Variants in APBB1IP observed in about 807,000 individuals in gnomAD.
APBB1IP encodes amyloid beta precursor protein binding family B member 1 interacting protein, also known as amyloid beta A4 precursor protein-binding family B member 1-interacting protein.
In APBB1IP, 27 loss-of-function variants were observed where a neutral mutation model predicts 64.9. The ratio of observed to expected loss-of-function variants is 0.42; its 90% CI spans 0.31 to 0.57. The LOEUF (loss-of-function observed/expected upper bound fraction) is 0.57, where lower values mean the gene tolerates loss of function less well. Ranked by LOEUF, APBB1IP falls within the 20% of genes least tolerant of loss-of-function variation. APBB1IP has a pLI of 0.20. For missense variants in APBB1IP, 812 were observed against 845.5 expected, an observed-to-expected ratio of 0.96 and a Z score of 0.49; for synonymous variants, 392 against 331.0, an observed-to-expected ratio of 1.18 and a Z score of -2.00.
intron 13 of APBB1IP, 30 bp from the exon 14 acceptor site, chr10:26,562,296 A>G (rs1049364601): frequency 1.3e-6 from 2 of 1,510,662 alleles, no homozygotes; most frequent in African/African-American, 1.4e-5. Flanking sequence ...TGCTTTGCTC[A>G]CTCTTCTTTT....
Position 26,536,220 on chromosome 10 carries a change from CAGAA to C in APBB1IP, c.1044+5_1044+8del. The C allele has an allele frequency of 1.7e-6, 2 of 1,160,242 alleles. No individual in the cohort carries two copies. The highest frequency in any genetic ancestry group is 1.1e-6 in the Non-Finnish European group (1 of 912,546). The allele number at this position is 1,160,242 out of a possible 1,614,324, so 71.9% of individuals were successfully genotyped here. On this transcript the variant is annotated splice_donor_5th_base_variant and intron_variant, in intron 10 of 14. Coordinates refer to ENST00000376236, the MANE Select transcript of APBB1IP (RefSeq NM_019043.4). ...ATGTACCCAAAGGAAAGACTAAGGTCAGAAAAAAAAAAAAAAAAGCACTTAGCAA... is the reference window on the plus strand; with the variant it reads ...ATGTACCCAAAGGAAAGACTAAGGTCAAAAAAAAAAAAAAGCACTTAGCAA...
At chr10:26,497,452 G>A (rs946961231) in intron 4 of APBB1IP, among the ~76,000 whole-genome samples, 2 of 151,574 alleles carry the variant, frequency 1.3e-5, no homozygotes, top group Admixed American at 1.3e-4. Context: ...CTGGGAGGCT[G>A]AGGCAGGAGA....
Position 26,509,116 on chromosome 10 carries a change from C to T in APBB1IP, c.532-2631C>T, listed in dbSNP as rs567078698. Reference sequence around the variant, plus strand: ...AGAAAATAAATCCTAGTAAAGACTGCTATTTGAAGAATTTCTCTATTTCCA... The same window carrying T: ...AGAAAATAAATCCTAGTAAAGACTGTTATTTGAAGAATTTCTCTATTTCCA... On this transcript the variant is annotated intron_variant, in intron 6 of 14. Transcript: ENST00000376236. Among the ~76,000 whole-genome samples, 3 of 152,282 alleles carry T rather than the reference C, an allele frequency of 2.0e-5. No individual in the cohort carries two copies. The South Asian group carries it at 6.2e-4, about 32-fold the overall frequency.
intron 5 of APBB1IP, chr10:26,501,592 G>A (rs756788871): frequency 1.7e-4 from 29 of 171,358 alleles, no homozygotes; most frequent in South Asian, 5.4e-4. Context: ...CATAGTTGGG[G>A]AGGGTGTTAC....
intron 8 of APBB1IP, among the ~76,000 whole-genome samples, chr10:26,533,169 A>G (rs1361813707): frequency 2.6e-5 from 4 of 152,116 alleles, no homozygotes; most frequent in African/African-American, 9.7e-5. Context: ...GACTTCAACA[A>G]TTAAATGATG....
At chr10:26,482,806 G>T (rs1246487280) in intron 2 of APBB1IP, among the ~76,000 whole-genome samples, 1 of 151,716 alleles carries the variant, frequency 6.6e-6, no homozygotes, top group African/African-American at 2.4e-5. Context: ...AAACACTGTA[G>T]GGTAAAAAAA....
At chr10:26,513,004 T>C (rs1042556993) in intron 7 of APBB1IP, among the ~76,000 whole-genome samples, 4 of 152,248 alleles carry the variant, frequency 2.6e-5, no homozygotes, top group African/African-American at 9.6e-5. Context: ...TGTTTTAGAG[T>C]ACACACTGGC....
intron 6 of APBB1IP, among the ~76,000 whole-genome samples, chr10:26,506,336 T>A (rs557300256): frequency 2.7e-5 from 4 of 150,870 alleles, no homozygotes; most frequent in Non-Finnish European, 5.9e-5. Flanking sequence ...AAGCCTCAAA[T>A]TCCTGGGCTC....
intron 4 of APBB1IP, 126 bp from the exon 5 acceptor site, chr10:26,500,693 C>T: frequency 1.1e-6 from 1 of 898,776 alleles, no homozygotes; most frequent in South Asian, 1.8e-5. Context: ...TCTCAATCTT[C>T]TCATATCATA....
At chr10:26,553,730 G>A (rs773508520) in intron 11 of APBB1IP, among the ~76,000 whole-genome samples, 1 of 152,090 alleles carries the variant, frequency 6.6e-6, no homozygotes, top group Admixed American at 6.5e-5. Context: ...CAAAACAAAG[G>A]CCTCTGGCTT....
intron 11 of APBB1IP, among the ~76,000 whole-genome samples, chr10:26,545,339 C>T (rs1036289856): frequency 1.3e-5 from 2 of 152,228 alleles, no homozygotes; most frequent in East Asian, 1.9e-4. Context: ...TGTTAACAGA[C>T]TTAGGCCAGG....
At position 26,567,575 on chromosome 10, in the gene APBB1IP, CATTTCAGATAAAATGT is replaced by C; in HGVS notation, c.*88_*103del. ...TAGCAGATTGCCCTGACATCTTGTT[CATTTCAGATAAAATGT>C]GATGGGAAACTTCTCACTGATGTGC... On this transcript the variant is annotated 3_prime_UTR_variant, in exon 15 of 15. Coordinates refer to ENST00000376236, the MANE Select transcript of APBB1IP (RefSeq NM_019043.4). 6.8e-7 allele frequency: 1 copy of C among 1,468,938 alleles called. No homozygotes were observed. 91.0% of individuals were successfully genotyped at this position (1,468,938 alleles called of 1,614,324 possible). A position where few individuals can be genotyped will look rare whatever the true frequency, so the allele number is the denominator to read the frequency against.
chr10:26,489,524 A>G (rs1835931027), intron 2 of APBB1IP, among the ~76,000 whole-genome samples: 1 of 152,200 alleles, frequency 6.6e-6, no homozygotes, highest in South Asian at 2.1e-4. Flanking sequence ...GGATATTTGG[A>G]GGATATGCAC....
intron 2 of APBB1IP, among the ~76,000 whole-genome samples, chr10:26,491,009 T>A (rs942184903): frequency 6.6e-5 from 10 of 152,174 alleles, no homozygotes; most frequent in African/African-American, 2.4e-4. Context: ...CTGAGCAAGA[T>A]GGCTCAATCT....
chr10:26,469,104 T>C (rs1453335298), intron 2 of APBB1IP, among the ~76,000 whole-genome samples: 2 of 151,968 alleles, frequency 1.3e-5, no homozygotes, highest in Non-Finnish European at 2.9e-5. Context: ...CTTTTTTTTT[T>C]TTCACTTTAA....
chr10:26,556,075 G>A (rs890636909), intron 11 of APBB1IP, among the ~76,000 whole-genome samples: 12 of 152,140 alleles, frequency 7.9e-5, no homozygotes, highest in African/African-American at 2.9e-4. Flanking sequence ...TGCCCTTTAA[G>A]CAGTGACAGT....
At chr10:26,527,542 C>CAA (rs550297713) in intron 8 of APBB1IP, among the ~76,000 whole-genome samples, 159 of 91,234 alleles carry the variant, frequency 1.7e-3, no homozygotes, top group African/African-American at 5.8e-3. Flanking sequence ...TACCTTGTCT[C>CAA]AAAAAAAAAA....
At chr10:26,475,771 C>T (rs1290839883) in intron 2 of APBB1IP, among the ~76,000 whole-genome samples, 1 of 152,018 alleles carries the variant, frequency 6.6e-6, no homozygotes, top group Admixed American at 6.6e-5. Flanking sequence ...ATTTTTTTTC[C>T]TTTGCATAGT....
intron 2 of APBB1IP, among the ~76,000 whole-genome samples, chr10:26,459,526 A>G (rs893530976): frequency 3.9e-5 from 6 of 152,212 alleles, no homozygotes; most frequent in African/African-American, 1.4e-4. Flanking sequence ...ATCTTCCACA[A>G]TGATTGAACT....
Sources: allele counts gnomAD v4.1 joint callset (sites outside exome capture counted in the v4.1 genomes callset), GRCh38; gene constraint gnomAD v4.1.1; transcripts MANE v1.5; gene names NCBI Gene and HGNC (gene_info 2026-07-23, HGNC 2026-07-21).